Variants in ZCCHC17 observed in about 807,000 individuals in gnomAD.
ZCCHC17 encodes zinc finger CCHC-type containing 17.
Under a neutral mutation model 30.6 loss-of-function variants are expected in ZCCHC17, and 18 were observed. The ratio of observed to expected loss-of-function variants is 0.59; its 90% confidence interval spans 0.41 to 0.87. The LOEUF is 0.87. Ranked by LOEUF, ZCCHC17 falls within the 40% of genes least tolerant of loss-of-function variation. The pLI is 0.00. For missense variants in ZCCHC17, 263 were observed against 284.2 expected, an observed-to-expected ratio of 0.93 and a Z score of 0.54; for synonymous variants, 88 against 92.4, an observed-to-expected ratio of 0.95 and a Z score of 0.27.
At chr1:31,328,271 T>C (rs1357894723) in intron 3 of ZCCHC17, among the ~76,000 whole-genome samples, 1 of 152,138 alleles carries the variant, frequency 6.6e-6, no homozygotes, top group Admixed American at 6.5e-5. Context: ...TTCAGCACTT[T>C]GGGAGGCGAG....
intron 3 of ZCCHC17, among the ~76,000 whole-genome samples, chr1:31,329,790 G>A (rs1638507306): frequency 6.6e-6 from 1 of 152,142 alleles, no homozygotes; most frequent in South Asian, 2.1e-4. Flanking sequence ...TGGCTTCTTG[G>A]CAAGTCTCCT....
At chr1:31,357,498 C>G (rs1639686364) in intron 7 of ZCCHC17, among the ~76,000 whole-genome samples, 1 of 152,224 alleles carries the variant, frequency 6.6e-6, no homozygotes, top group African/African-American at 2.4e-5. Flanking sequence ...GTGCTAAGCT[C>G]TGTTCTGGCC....
chr1:31,299,106 C>T (rs1646242462), intron 1 of ZCCHC17, among the ~76,000 whole-genome samples: 1 of 152,086 alleles, frequency 6.6e-6, no homozygotes, highest in Non-Finnish European at 1.5e-5. Context: ...AGATATGAGG[C>T]AAGGATTTGG....
At chr1:31,320,021 A>C (rs1646824366) in intron 3 of ZCCHC17, among the ~76,000 whole-genome samples, 1 of 152,210 alleles carries the variant, frequency 6.6e-6, no homozygotes, top group African/African-American at 2.4e-5. Flanking sequence ...GAGCTAATAC[A>C]AAGGGGGTAT....
chr1:31,338,855 A>G, intron 4 of ZCCHC17, 102 bp from the exon 5 acceptor site: 1 of 714,260 alleles, frequency 1.4e-6, no homozygotes, highest in Non-Finnish European at 2.4e-6. Flanking sequence ...TGGTCCATTA[A>G]AGAAGCTCAA....
intron 2 of ZCCHC17, among the ~76,000 whole-genome samples, chr1:31,312,643 A>G (rs901116779): frequency 6.6e-6 from 1 of 152,198 alleles, no homozygotes; most frequent in Non-Finnish European, 1.5e-5. Context: ...ATAAGCTATC[A>G]TCTATAAGAA....
intron 6 of ZCCHC17, among the ~76,000 whole-genome samples, chr1:31,347,793 G>A (rs180893626): frequency 3.7e-4 from 56 of 152,170 alleles, no homozygotes; most frequent in Non-Finnish European, 5.6e-4. Flanking sequence ...AAAATTTTTT[G>A]TAGAGACGGG....
intron 7 of ZCCHC17, among the ~76,000 whole-genome samples, chr1:31,355,180 A>T (rs1394671634): frequency 8.0e-3 from 190 of 23,780 alleles, no homozygotes; most frequent in Admixed American, 0.021. Flanking sequence ...ATCTCAATTA[A>T]AAAAAAAAAA....
chr1:31,340,542 C>T (rs1263836719), intron 5 of ZCCHC17, among the ~76,000 whole-genome samples: 3 of 152,114 alleles, frequency 2.0e-5, no homozygotes, highest in South Asian at 4.1e-4. Flanking sequence ...GTCTTGAACT[C>T]CCGACCTCAG....
intron 7 of ZCCHC17, among the ~76,000 whole-genome samples, chr1:31,360,722 G>A (rs1386023455): frequency 6.6e-6 from 1 of 152,184 alleles, no homozygotes; most frequent in African/African-American, 2.4e-5. Context: ...TCATCTTTGA[G>A]AGAGAACAAA....
At chr1:31,334,967 G>A (rs899527661) in intron 3 of ZCCHC17, among the ~76,000 whole-genome samples, 2 of 152,172 alleles carry the variant, frequency 1.3e-5, no homozygotes, top group African/African-American at 4.8e-5. Flanking sequence ...GCAATTAGGG[G>A]TCAAATAAAG....
chr1:31,342,393 T>C (rs1156779113), intron 5 of ZCCHC17, among the ~76,000 whole-genome samples: 1 of 152,190 alleles, frequency 6.6e-6, no homozygotes, highest in Non-Finnish European at 1.5e-5. Context: ...ATAAGGCAAC[T>C]TGTAATAAAT....
intron 7 of ZCCHC17, 33 bp downstream of exon 7, chr1:31,349,007 C>A (rs1557455437): frequency 6.5e-7 from 1 of 1,537,600 alleles, no homozygotes; most frequent in East Asian, 2.3e-5. Flanking sequence ...TTTATCATGT[C>A]TTTTTCAAGT....
intron 5 of ZCCHC17, among the ~76,000 whole-genome samples, chr1:31,341,366 C>T (rs1044794817): frequency 6.6e-6 from 1 of 152,072 alleles, no homozygotes; most frequent in African/African-American, 2.4e-5. Context: ...ATAGCTTCTG[C>T]TCCAAAAAAT....
At chr1:31,310,792 A>G (rs759618664) in intron 2 of ZCCHC17, among the ~76,000 whole-genome samples, 6 of 152,212 alleles carry the variant, frequency 3.9e-5, no homozygotes, top group African/African-American at 7.2e-5. Flanking sequence ...TCTCTTCTAG[A>G]TGTTTTCACC....
Position 31,364,082 on chromosome 1 carries a change from C to T in ZCCHC17, c.615C>T (p.Ser205=). The T allele has an allele frequency of 1.2e-6, 2 of 1,613,766 alleles. No individual in the cohort carries two copies. Among genetic ancestry groups the T allele is most frequent in the Middle Eastern group, 3.3e-4 (2 of 6,058 alleles). The part of the protein sequence containing the change: ...HRDRKSSDSD[S]SDSESDTGKR... ...ATAGGAAGTCATCTGACTCTGACAGCTCAGACTCTGAGAGTGATACAGGCA... is the reference window on the plus strand; with the variant it reads ...ATAGGAAGTCATCTGACTCTGACAGTTCAGACTCTGAGAGTGATACAGGCA... Residue 205 remains serine (S), a synonymous_variant, in exon 8 of 8, where the codon AGC becomes AGT. Coordinates refer to ENST00000344147, the MANE Select transcript of ZCCHC17 (RefSeq NM_016505.4).
chr1:31,361,677 C>A (rs1639899885), intron 7 of ZCCHC17, among the ~76,000 whole-genome samples: 1 of 152,202 alleles, frequency 6.6e-6, no homozygotes, highest in Non-Finnish European at 1.5e-5. Flanking sequence ...ACATGAAGAT[C>A]CCAACTGCGC....
At chr1:31,305,611 A>T (rs559212705) in intron 1 of ZCCHC17, among the ~76,000 whole-genome samples, 10 of 151,532 alleles carry the variant, frequency 6.6e-5, no homozygotes, top group South Asian at 6.3e-4. Context: ...TCTTTTTTTT[A>T]AAAAATATTT....
At chr1:31,345,148 CTGTTTGTTTGTT>C (rs149467715) in intron 5 of ZCCHC17, among the ~76,000 whole-genome samples, 14 of 147,844 alleles carry the variant, frequency 9.5e-5, no homozygotes, top group Admixed American at 2.7e-4. Flanking sequence ...TGGCAATGTT[CTGTTTGTTTGTT>C]TGTTTGTTTG....
Sources: gnomAD v4.1 joint callset for allele counts (sites outside exome capture counted in the v4.1 genomes callset) on GRCh38, gnomAD v4.1.1 for gene constraint, MANE v1.5 for transcripts, NCBI Gene and HGNC (gene_info 2026-07-23, HGNC 2026-07-21) for gene names.